LARGE1: variants seen among roughly 807,000 people sequenced by gnomAD.
LARGE1 encodes LARGE xylosyl- and glucuronyltransferase 1.
Under a neutral mutation model 87.6 loss-of-function variants are expected in LARGE1, and 43 were observed. The ratio of observed to expected loss-of-function variants is 0.49; its 90% CI spans 0.38 to 0.63. LARGE1 has a LOEUF of 0.63. Ranked by LOEUF, LARGE1 falls within the 30% of genes least tolerant of loss-of-function variation. The pLI is 0.00. For missense variants in LARGE1, 802 were observed against 1,000.2 expected (o/e 0.80, Z 2.67); for synonymous variants, 434 against 394.6 (o/e 1.10, Z -1.18).
At chr22:33,394,997 C>G (rs980953703) in intron 7 of LARGE1, among the ~76,000 whole-genome samples, 2 of 152,008 alleles carry the variant, frequency 1.3e-5, no homozygotes, top group African/African-American at 4.8e-5. Context: ...GAGGCCAAGG[C>G]TGGCAGATCA....
chr22:33,403,890 G>A (rs989074606), intron 7 of LARGE1, among the ~76,000 whole-genome samples: 1 of 152,130 alleles, frequency 6.6e-6, no homozygotes, highest in Non-Finnish European at 1.5e-5. Context: ...GAGCCACCGC[G>A]CCCGGCCCAT....
the LARGE1 span, among the ~76,000 whole-genome samples, chr22:33,091,377 A>G: frequency 6.6e-6 from 1 of 152,110 alleles, no homozygotes; most frequent in East Asian, 1.9e-4. Flanking sequence ...CCTGACCAAC[A>G]TGGTGAAACC....
chr22:33,611,201 C>A (rs2079418036), intron 4 of LARGE1, among the ~76,000 whole-genome samples: 1 of 152,148 alleles, frequency 6.6e-6, no homozygotes. Flanking sequence ...GGAAGGGGGC[C>A]ACTATCGTCC....
chr22:33,210,012 G>A (rs1201862369), intron 11 of LARGE1, among the ~76,000 whole-genome samples: 1 of 152,182 alleles, frequency 6.6e-6, no homozygotes, highest in East Asian at 1.9e-4. Flanking sequence ...AAAACTCTCA[G>A]TACCCACCCC....
intron 9 of LARGE1, among the ~76,000 whole-genome samples, chr22:33,360,577 C>T (rs767477638): frequency 2.7e-5 from 4 of 149,218 alleles, no homozygotes; most frequent in East Asian, 3.9e-4. Context: ...CAACACGATG[C>T]GGATGGTGCT....
intron 3 of LARGE1, among the ~76,000 whole-genome samples, chr22:33,646,238 T>C (rs2080607265): frequency 6.6e-6 from 1 of 152,150 alleles, no homozygotes; most frequent in Non-Finnish European, 1.5e-5. Context: ...ATATACACCA[T>C]GGAATACTAT....
At chr22:33,811,315 T>C (rs1240181903) in intron 1 of LARGE1, among the ~76,000 whole-genome samples, 1 of 152,166 alleles carries the variant, frequency 6.6e-6, no homozygotes, top group African/African-American at 2.4e-5. Context: ...CACACATTAA[T>C]AAAACATAAT....
rs145276462 is a variant in LARGE1 at position 33,383,821 on chromosome 22, C to T, written c.1005+371G>A. Among the ~76,000 whole-genome samples, 109 of 152,294 alleles carry T rather than the reference C, an allele frequency of 7.2e-4. 1 individual carries two copies. Among genetic ancestry groups the T allele is most frequent in the Non-Finnish European group, 1.2e-3 (81 of 68,034 alleles). On this transcript the variant is annotated intron_variant, in intron 8 of 14. Transcript: ENST00000397394. ...GCATTCTGGGGTCCCAGAGAGCAGG[C>T]CCTGTGCACTCCACCTGGTGATGAA...
At chr22:33,664,817 C>T (rs2081221344) in intron 2 of LARGE1, among the ~76,000 whole-genome samples, 2 of 152,156 alleles carry the variant, frequency 1.3e-5, no homozygotes, top group African/African-American at 4.8e-5. Context: ...CAAGACTGCG[C>T]CACTGCACTC....
intron 5 of LARGE1, among the ~76,000 whole-genome samples, chr22:33,581,881 C>T (rs1162193854): frequency 1.3e-5 from 2 of 150,580 alleles, no homozygotes; most frequent in Non-Finnish European, 2.9e-5. Context: ...AATGAATGGA[C>T]ATCACCATGG....
At chr22:33,666,047 A>G (rs925596406) in intron 2 of LARGE1, among the ~76,000 whole-genome samples, 4 of 152,230 alleles carry the variant, frequency 2.6e-5, no homozygotes, top group Non-Finnish European at 5.9e-5. Flanking sequence ...CTGCATCTAA[A>G]TATCTCTTTC....
At chr22:33,187,878 C>T (rs1275570650) in intron 11 of LARGE1, among the ~76,000 whole-genome samples, 4 of 122,598 alleles carry the variant, frequency 3.3e-5, no homozygotes, top group African/African-American at 9.3e-5. Context: ...GAGCTGAGAT[C>T]GCACCACTGC....
intron 1 of LARGE1, among the ~76,000 whole-genome samples, chr22:33,848,759 A>G (rs2063502571): frequency 6.6e-6 from 1 of 152,196 alleles, no homozygotes; most frequent in Non-Finnish European, 1.5e-5. Flanking sequence ...TGGATCCCAG[A>G]GGGCCTCTGA....
chr22:33,416,804 A>T (rs1225178867), intron 7 of LARGE1, among the ~76,000 whole-genome samples: 1 of 147,936 alleles, frequency 6.8e-6, no homozygotes, highest in African/African-American at 2.5e-5. Flanking sequence ...GGGTTTCACT[A>T]TGTTGGTCAG....
intron 7 of LARGE1, among the ~76,000 whole-genome samples, chr22:33,411,094 C>A (rs1345410452): frequency 6.6e-6 from 1 of 152,152 alleles, no homozygotes; most frequent in African/African-American, 2.4e-5. Context: ...ATGCTTGGGT[C>A]GTAACTCCTG....
intron 1 of LARGE1, among the ~76,000 whole-genome samples, chr22:33,777,504 G>A (rs963194567): frequency 6.6e-6 from 1 of 152,046 alleles, no homozygotes; most frequent in African/African-American, 2.4e-5. Context: ...TTAGCCAGGT[G>A]TGGTGCCACA....
intron 11 of LARGE1, among the ~76,000 whole-genome samples, chr22:33,266,640 T>G (rs1927961112): frequency 6.6e-6 from 1 of 151,714 alleles, no homozygotes; most frequent in Non-Finnish European, 1.5e-5. Context: ...GTCCAGCATA[T>G]GTTTGTTCTC....
chr22:33,358,310 T>C (rs2064254082), intron 9 of LARGE1, among the ~76,000 whole-genome samples: 1 of 151,658 alleles, frequency 6.6e-6, no homozygotes, highest in East Asian at 1.9e-4. Flanking sequence ...TGTTTTTTTT[T>C]CTTCCTTGAT....
intron 2 of LARGE1, among the ~76,000 whole-genome samples, chr22:33,742,741 G>T (rs1324061426): frequency 6.6e-6 from 1 of 152,074 alleles, no homozygotes; most frequent in Non-Finnish European, 1.5e-5. Context: ...TTTTCCACTG[G>T]AAATTTTAAA....
Sources: allele counts gnomAD v4.1 joint callset (sites outside exome capture counted in the v4.1 genomes callset), GRCh38; gene constraint gnomAD v4.1.1; transcripts MANE v1.5; gene names NCBI Gene and HGNC (gene_info 2026-07-23, HGNC 2026-07-21).